The following PTPN13 variants were observed in gnomAD, a reference collection of about 807,000 sequenced individuals.
PTPN13 encodes the protein tyrosine-protein phosphatase non-receptor type 13.
In PTPN13, 191 loss-of-function variants were observed where a neutral mutation model predicts 284.0. The ratio of observed to expected loss-of-function variants is 0.67; its 90% CI spans 0.60 to 0.76. The LOEUF (loss-of-function observed/expected upper bound fraction) is 0.76. PTPN13 is among the 30% of genes least tolerant of loss of function. PTPN13 has a pLI of 0.00. For synonymous variants in PTPN13, 986 were observed against 1,022.3 expected, an observed-to-expected ratio of 0.96 and a Z score of 0.68; for missense variants, 2,797 against 2,939.9, an observed-to-expected ratio of 0.95 and a Z score of 1.12.
At chr4:86,684,691 C>G (rs1729252989) in intron 3 of PTPN13, among the ~76,000 whole-genome samples, 1 of 151,912 alleles carries the variant, frequency 6.6e-6, no homozygotes, top group African/African-American at 2.4e-5. Context: ...GGATTTGATA[C>G]AGTTTATAGA....
chr4:86,761,010 A>G (rs898510662), intron 23 of PTPN13, among the ~76,000 whole-genome samples: 5 of 151,504 alleles, frequency 3.3e-5, no homozygotes, highest in Non-Finnish European at 5.9e-5. Flanking sequence ...TTAAAAATAA[A>G]TCCAATTTAT....
intron 25 of PTPN13, among the ~76,000 whole-genome samples, 170 bp from the exon 26 acceptor site, chr4:86,765,225 A>G (rs1357656324): frequency 5.3e-5 from 8 of 152,234 alleles, no homozygotes; most frequent in Non-Finnish European, 5.9e-5. Flanking sequence ...TTTGAATTAT[A>G]CTGATGAATA....
At chr4:86,600,432 CTTTTTTTTTTTTTTT>C (rs10588960) in intron 1 of PTPN13, among the ~76,000 whole-genome samples, 1 of 50,414 alleles carries the variant, frequency 2.0e-5, no homozygotes. Context: ...TACATAACCA[CTTTTTTTTTTTTTTT>C]TTTTTTTTTT....
In PTPN13 at chr4:86,749,063, C is replaced by G. The variant is rs147050420; in HGVS notation, c.2651-1407C>G. Reference sequence around the variant, plus strand: ...CTTCAGAGAGAGATCATTGAATTTTCCTAGTGACAATGAGGCATGTTTCTT... The same window carrying G: ...CTTCAGAGAGAGATCATTGAATTTTGCTAGTGACAATGAGGCATGTTTCTT... On this transcript the variant is annotated intron_variant, in intron 17 of 47. Coordinates refer to ENST00000411767, the MANE Select transcript of PTPN13 (RefSeq NM_080683.3). Among the ~76,000 whole-genome samples, 332 of 152,244 alleles carry G rather than the reference C, an allele frequency of 2.2e-3. 2 individuals are homozygous for G. Among genetic ancestry groups the G allele is most frequent in the African/African-American group, 7.8e-3 (323 of 41,542 alleles).
At chr4:86,804,716 G>C (rs1035857089) in intron 43 of PTPN13, among the ~76,000 whole-genome samples, 3 of 152,166 alleles carry the variant, frequency 2.0e-5, no homozygotes, top group African/African-American at 7.2e-5. Context: ...CTCCCAATAA[G>C]CTGTAAAGGC....
At chr4:86,723,612 A>G (rs1733910781) in intron 10 of PTPN13, among the ~76,000 whole-genome samples, 1 of 152,230 alleles carries the variant, frequency 6.6e-6, no homozygotes, top group Non-Finnish European at 1.5e-5. Flanking sequence ...TCAAAGGCAG[A>G]CACCGTTTAA....
chr4:86,784,264 A>G (rs1159446407), intron 37 of PTPN13, among the ~76,000 whole-genome samples: 2 of 152,136 alleles, frequency 1.3e-5, no homozygotes, highest in Non-Finnish European at 2.9e-5. Flanking sequence ...TAGTATTTCC[A>G]GATATATTTA....
intron 40 of PTPN13, among the ~76,000 whole-genome samples, chr4:86,792,074 T>C (rs529734066): frequency 6.6e-6 from 1 of 152,136 alleles, no homozygotes; most frequent in African/African-American, 2.4e-5. Flanking sequence ...AAAAGGAGCA[T>C]GTTCTAACAA....
At position 86,771,388 on chromosome 4, in the gene PTPN13, C is replaced by T. The variant is rs1739984164; in HGVS notation, c.5021C>T (p.Thr1674Ile). 1 of 1,569,918 alleles carries T rather than the reference C, an allele frequency of 6.4e-7. No homozygotes were observed. Among genetic ancestry groups the T allele is most frequent in the South Asian group, 1.2e-5 (1 of 85,412 alleles). ...VTAPANISNS[T>I]WSSALHQTLS... ...GCTCCAGCAAACATATCAAATTCGA[C>T]CTGGAGTTCAGCTTTGCATCAGACT... Residue 1674 changes from threonine (T) to isoleucine (I), a missense_variant, in exon 31 of 48, where the codon ACC (threonine) becomes ATC (isoleucine). Coordinates refer to ENST00000411767, the MANE Select transcript of PTPN13 (RefSeq NM_080683.3).
At chr4:86,604,320 G>A (rs1449344557) in intron 1 of PTPN13, among the ~76,000 whole-genome samples, 2 of 151,932 alleles carry the variant, frequency 1.3e-5, no homozygotes, top group Non-Finnish European at 2.9e-5. Flanking sequence ...AAATGATTGG[G>A]CATAGCCTAC....
chr4:86,699,249 G>T (rs1730883408), intron 6 of PTPN13, among the ~76,000 whole-genome samples: 1 of 152,092 alleles, frequency 6.6e-6, no homozygotes, highest in African/African-American at 2.4e-5. Flanking sequence ...AAATTAGCGT[G>T]GTGGTGGGCG....
intron 27 of PTPN13, among the ~76,000 whole-genome samples, chr4:86,767,282 G>A (rs1452345094): frequency 1.4e-5 from 2 of 144,452 alleles, no homozygotes; most frequent in East Asian, 4.0e-4. Context: ...TTTCGCTCTT[G>A]TCACCCAGGC....
chr4:86,759,745 G>A (rs546144645), intron 23 of PTPN13, among the ~76,000 whole-genome samples: 111 of 152,084 alleles, frequency 7.3e-4, no homozygotes, highest in African/African-American at 2.4e-3. Context: ...CACTGTGCTC[G>A]TATATCAAAT....
chr4:86,599,562 A>G (rs1764115777), intron 1 of PTPN13, among the ~76,000 whole-genome samples: 2 of 152,334 alleles, frequency 1.3e-5, no homozygotes, highest in South Asian at 2.1e-4. Context: ...TACTGTAGCA[A>G]ACAGCTCAGA....
intron 25 of PTPN13, 118 bp downstream of exon 25, chr4:86,764,842 A>G: frequency 8.6e-7 from 1 of 1,158,570 alleles, no homozygotes; most frequent in Non-Finnish European, 1.2e-6. Context: ...ATACCTCCAA[A>G]ATTCTAAAAC....
At chr4:86,756,350 T>G (rs1183096565) in intron 20 of PTPN13, among the ~76,000 whole-genome samples, 2 of 152,094 alleles carry the variant, frequency 1.3e-5, no homozygotes, top group Non-Finnish European at 2.9e-5. Flanking sequence ...AATTGCCTAT[T>G]TTTTGATAAA....
intron 23 of PTPN13, among the ~76,000 whole-genome samples, chr4:86,759,678 G>T (rs1738435365): frequency 6.6e-6 from 1 of 152,102 alleles, no homozygotes; most frequent in African/African-American, 2.4e-5. Context: ...GTCAGATTCT[G>T]TTTCTACCAC....
chr4:86,638,601 G>C (rs1024646496), intron 2 of PTPN13, among the ~76,000 whole-genome samples: 1 of 152,156 alleles, frequency 6.6e-6, no homozygotes, highest in Admixed American at 6.6e-5. Context: ...TTTAATAAGT[G>C]GTGCTGGGAA....
chr4:86,692,397 C>G (rs1206909599), intron 5 of PTPN13, among the ~76,000 whole-genome samples: 1 of 152,144 alleles, frequency 6.6e-6, no homozygotes, highest in African/African-American at 2.4e-5. Flanking sequence ...CTTGAATATA[C>G]CACCTTAGAT....
Sources: allele counts gnomAD v4.1 joint callset (sites outside exome capture counted in the v4.1 genomes callset), GRCh38; gene constraint gnomAD v4.1.1; transcripts MANE v1.5; gene names NCBI Gene and HGNC (gene_info 2026-07-23, HGNC 2026-07-21).